Variants in CSMD1 observed in about 807,000 individuals in gnomAD.
CSMD1 encodes the protein CUB and sushi domain-containing protein 1.
CSMD1 carries 213 observed loss-of-function variants against 417.5 expected under a neutral mutation model. That is an observed-to-expected ratio of 0.51 (90% CI 0.46 to 0.57). The LOEUF is 0.57. CSMD1 is among the 20% of genes least tolerant of loss of function. The probability of loss-of-function intolerance (pLI) is 0.00; values close to 1 mark genes in which losing one functional copy is unlikely to be tolerated. For synonymous variants in CSMD1, 2,862 were observed against 1,736.8 expected, an observed-to-expected ratio of 1.65 and a Z score of -16.11; for missense variants, 6,923 against 4,529.7, an observed-to-expected ratio of 1.53 and a Z score of -15.17.
At chr8:4,614,032 T>C (rs1563335382) in intron 2 of CSMD1, among the ~76,000 whole-genome samples, 1 of 152,054 alleles carries the variant, frequency 6.6e-6, no homozygotes, top group Non-Finnish European at 1.5e-5. Context: ...CACCCTGAAA[T>C]ACCACATGCA....
At chr8:3,300,443 CATA>C (rs1478771608) in intron 25 of CSMD1, among the ~76,000 whole-genome samples, 8 of 151,960 alleles carry the variant, frequency 5.3e-5, no homozygotes, top group Admixed American at 2.0e-4. Flanking sequence ...TTATCCTGCA[CATA>C]ATGAGTGGAC....
At chr8:2,997,947 G>T in intron 54 of CSMD1, 64 bp downstream of exon 54, 1 of 1,463,304 alleles carries the variant, frequency 6.8e-7, no homozygotes, top group East Asian at 2.3e-5. Flanking sequence ...GGCTCTTGAT[G>T]GTGTTACTGG....
chr8:3,910,206 A>G (rs1486069353), intron 5 of CSMD1, among the ~76,000 whole-genome samples: 3 of 152,132 alleles, frequency 2.0e-5, no homozygotes. Flanking sequence ...ACGGAAAACA[A>G]TGTTCATGCA....
At chr8:4,664,798 C>G (rs547841077) in intron 1 of CSMD1, among the ~76,000 whole-genome samples, 5 of 152,132 alleles carry the variant, frequency 3.3e-5, no homozygotes, top group Admixed American at 6.5e-5. Flanking sequence ...ATTATGGCAT[C>G]TTTATGGTGA....
chr8:3,753,916 T>G lies in CSMD1; in HGVS notation c.931+14A>C. Reference sequence around the variant, plus strand: ...TCTGTTTTTTTTTTTTCTTATAAGATGGAGCATCCTTACCTTGGAACTGAG... The same window carrying G: ...TCTGTTTTTTTTTTTTCTTATAAGAGGGAGCATCCTTACCTTGGAACTGAG... On this transcript the variant is annotated intron_variant, in intron 6 of 69. Transcript: ENST00000635120. The G allele has an allele frequency of 6.4e-7, 1 of 1,555,262 alleles. No individual in the cohort carries two copies. The highest frequency in any genetic ancestry group is 8.8e-7 in the Non-Finnish European group (1 of 1,130,698).
At chr8:3,316,535 G>GA (rs140788524) in intron 23 of CSMD1, among the ~76,000 whole-genome samples, 2 of 151,770 alleles carry the variant, frequency 1.3e-5, no homozygotes, top group African/African-American at 2.4e-5. Flanking sequence ...GAGCCTTGCG[G>GA]GAGAGGGTTT....
chr8:3,811,405 G>A (rs760509456), intron 5 of CSMD1, among the ~76,000 whole-genome samples: 1 of 152,170 alleles, frequency 6.6e-6, no homozygotes, highest in Non-Finnish European at 1.5e-5. Flanking sequence ...AGACCATGTA[G>A]TAAGGCATTT....
chr8:4,732,679 G>A (rs76079149), intron 1 of CSMD1, among the ~76,000 whole-genome samples: 1,924 of 152,224 alleles, frequency 0.013, 47 homozygotes, highest in African/African-American at 0.044. Flanking sequence ...TGCCCCAGCT[G>A]TATCCTTGCT....
chr8:4,319,384 C>G (rs907872788), intron 3 of CSMD1, among the ~76,000 whole-genome samples: 1 of 151,808 alleles, frequency 6.6e-6, no homozygotes, highest in Non-Finnish European at 1.5e-5. Flanking sequence ...AAATACTGAG[C>G]CTCTGGGGCC....
At chr8:3,477,412 G>A (rs1313761752) in intron 11 of CSMD1, among the ~76,000 whole-genome samples, 4 of 152,196 alleles carry the variant, frequency 2.6e-5, no homozygotes, top group Non-Finnish European at 4.4e-5. Flanking sequence ...TGTTCAGAAT[G>A]TGGAGAAAGC....
At chr8:4,126,346 G>A (rs1406635640) in intron 3 of CSMD1, among the ~76,000 whole-genome samples, 3 of 152,220 alleles carry the variant, frequency 2.0e-5, no homozygotes, top group East Asian at 1.9e-4. Context: ...TGAACCCACT[G>A]CATGGTTACG....
chr8:4,073,523 G>C (rs1243494600), intron 3 of CSMD1, among the ~76,000 whole-genome samples: 8 of 152,126 alleles, frequency 5.3e-5, no homozygotes, highest in Non-Finnish European at 1.2e-4. Flanking sequence ...CCTGGGATGT[G>C]TCTTAGTGCC....
chr8:3,146,207 A>G (rs1429306352), intron 40 of CSMD1, among the ~76,000 whole-genome samples: 1 of 152,200 alleles, frequency 6.6e-6, no homozygotes, highest in Non-Finnish European at 1.5e-5. Context: ...GGGGTAAGGC[A>G]GACAGAAAGC....
At chr8:4,185,501 A>T (rs1798614429) in intron 3 of CSMD1, among the ~76,000 whole-genome samples, 1 of 152,168 alleles carries the variant, frequency 6.6e-6, no homozygotes, top group Non-Finnish European at 1.5e-5. Context: ...GGAATCCGAA[A>T]ACACTATTCT....
Position 4,664,139 on chromosome 8 carries a change from C to T in CSMD1, c.86-26581G>A, listed in dbSNP as rs535982433. Among the ~76,000 whole-genome samples, 21 of 152,264 alleles carry T rather than the reference C, an allele frequency of 1.4e-4. No homozygotes were observed. The South Asian group carries it at 4.2e-3, about 30-fold the overall frequency. Reference sequence around the variant, plus strand: ...ATTTCTCACACCTGGACAGGTACACCAGCTGGTAAAGAGAGAGATACTCTC... The same window carrying T: ...ATTTCTCACACCTGGACAGGTACACTAGCTGGTAAAGAGAGAGATACTCTC... On this transcript the variant is annotated intron_variant, in intron 1 of 69. Transcript: ENST00000635120.
intron 41 of CSMD1, among the ~76,000 whole-genome samples, chr8:3,125,897 A>C (rs546592706): frequency 3.3e-5 from 5 of 152,342 alleles, no homozygotes; most frequent in Admixed American, 6.5e-5. Context: ...GAATCACCTC[A>C]ACCCAGGAGG....
intron 50 of CSMD1, among the ~76,000 whole-genome samples, chr8:3,034,604 A>G (rs1329691511): frequency 1.3e-5 from 2 of 152,178 alleles, no homozygotes; most frequent in Non-Finnish European, 2.9e-5. Context: ...TATACCTACT[A>G]CACATAAATG....
chr8:3,934,503 A>T (rs908214293), intron 5 of CSMD1, among the ~76,000 whole-genome samples: 2 of 152,206 alleles, frequency 1.3e-5, no homozygotes, highest in African/African-American at 4.8e-5. Context: ...ATTGAAGGAA[A>T]GGTAATGAGG....
chr8:2,956,768 C>A (rs1173422741), intron 63 of CSMD1, among the ~76,000 whole-genome samples: 1 of 152,114 alleles, frequency 6.6e-6, no homozygotes, highest in Non-Finnish European at 1.5e-5. Flanking sequence ...GTTTACAATT[C>A]TAAAATTGTG....
Sources: allele counts gnomAD v4.1 joint callset (sites outside exome capture counted in the v4.1 genomes callset), GRCh38; gene constraint gnomAD v4.1.1; transcripts MANE v1.5; gene names NCBI Gene and HGNC (gene_info 2026-07-23, HGNC 2026-07-21).